YWHAZ: variants seen among roughly 807,000 people sequenced by gnomAD.
YWHAZ encodes the protein tyrosine 3-monooxygenase/tryptophan 5-monooxygenase activation protein zeta, also known as 14-3-3 protein zeta/delta.
For synonymous variants in YWHAZ, 87 were observed against 103.6 expected (o/e 0.84, Z 0.97); for missense variants, 79 against 284.8 (o/e 0.28, Z 5.20).
intron 2 of YWHAZ, among the ~76,000 whole-genome samples, chr8:100,943,426 C>T (rs1463812179): frequency 6.6e-6 from 1 of 152,178 alleles, no homozygotes; most frequent in Non-Finnish European, 1.5e-5. Context: ...CTCACACACA[C>T]ATTCAATATA....
chr8:100,944,063 G>C (rs946998079), intron 2 of YWHAZ, among the ~76,000 whole-genome samples: 8 of 151,762 alleles, frequency 5.3e-5, no homozygotes, highest in Non-Finnish European at 8.8e-5. Context: ...ACAGAACTGG[G>C]ATTATTTATA....
chr8:100,941,264 T>A (rs992618602), intron 2 of YWHAZ, among the ~76,000 whole-genome samples: 3 of 152,226 alleles, frequency 2.0e-5, no homozygotes, highest in Non-Finnish European at 4.4e-5. Context: ...TCCAAGTATG[T>A]CATTCTAAAC....
chr8:100,948,814 T>G lies in YWHAZ; in HGVS notation c.76A>C (p.Met26Leu). ...AERYDDMAACMKSVTEQGAEL... is the reference protein window; with the variant it reads ...AERYDDMAACLKSVTEQGAEL... ...GCTCCTTGCTCAGTTACAGACTTCA[T>G]GCAGGCTGCCATGTCATCATATCGC... Residue 26 changes from methionine to leucine, a missense_variant, in exon 2 of 6, where the codon ATG (methionine) becomes CTG (leucine). Coordinates refer to ENST00000395958, the MANE Select transcript of YWHAZ (RefSeq NM_145690.3). This position sits in a 1 kb window ranked among gnomAD's most constrained non-coding sequence, Gnocchi z 4.2. The G allele has an allele frequency of 6.3e-7, 1 of 1,599,428 alleles. No individual in the cohort carries two copies.
Position 100,924,992 on chromosome 8 carries a change from G to A in YWHAZ, c.342C>T (p.Ser114=), listed in dbSNP as rs142387931. The A allele has an allele frequency of 6.2e-7, 1 of 1,613,806 alleles. No individual in the cohort carries two copies. The highest frequency in any genetic ancestry group is 8.5e-7 in the Non-Finnish European group (1 of 1,179,952). ...CTTTCATTTTCAAATAGAAGACTTT[G>A]CTCTCTGCTTGTGAAGCATTGGGGA... ...FLIPNASQAE[S]KVFYLKMKGD... Residue 114 remains serine, a synonymous_variant, in exon 3 of 6, where the codon AGC becomes AGT. Coordinates refer to ENST00000395958, the MANE Select transcript of YWHAZ (RefSeq NM_145690.3). The surrounding 1 kb of genome is among the most constrained non-coding windows in gnomAD (Gnocchi z 5.7).
chr8:100,929,070 G>A (rs1376060519), intron 2 of YWHAZ, among the ~76,000 whole-genome samples: 1 of 152,134 alleles, frequency 6.6e-6, no homozygotes, highest in Non-Finnish European at 1.5e-5. Context: ...GATGTCATCT[G>A]TTTCTTTTAA....
intron 2 of YWHAZ, among the ~76,000 whole-genome samples, chr8:100,941,163 A>C (rs1362403890): frequency 1.3e-5 from 2 of 152,238 alleles, no homozygotes; most frequent in Non-Finnish European, 2.9e-5. Flanking sequence ...TGCCTATATA[A>C]TACTACCTTC....
chr8:100,922,384 CTTTTCTTTTTT>C lies in YWHAZ; in HGVS notation c.678+1560_678+1570del. On this transcript the variant is annotated intron_variant, in intron 5 of 5. Transcript: ENST00000395958. The surrounding 1 kb of genome is among the most constrained non-coding windows in gnomAD (Gnocchi z 4.1). ...ATTAGAATCAAAACCCTGGTTTTTT[CTTTTCTTTTTT>C]TTTTTTTTTGAGACAGAGTCTCGCT... 1 of 87,926 alleles carries C rather than the reference CTTTTCTTTTTT, an allele frequency of 1.1e-5. No homozygotes were observed. The highest frequency in any genetic ancestry group is 4.8e-5 in the African/African-American group (1 of 21,020). 5.4% of individuals were successfully genotyped at this position (87,926 alleles called of 1,614,324 possible).
In YWHAZ at chr8:100,929,825, A is replaced by C. The variant is rs978069676; in HGVS notation, c.295-4786T>G. On this transcript the variant is annotated intron_variant, in intron 2 of 5. Transcript: ENST00000395958. ...TAGGAAGAATAGAAAAAAATGAATAAAAGAACAAAAGAAAAAGGAAGCAGC... is the reference window on the plus strand; with the variant it reads ...TAGGAAGAATAGAAAAAAATGAATACAAGAACAAAAGAAAAAGGAAGCAGC... Among the ~76,000 whole-genome samples, 3 of 152,228 alleles carry C rather than the reference A, an allele frequency of 2.0e-5. No homozygotes were observed. In the South Asian group the frequency reaches 6.2e-4, roughly 31 times the overall value.
intron 2 of YWHAZ, among the ~76,000 whole-genome samples, chr8:100,933,636 A>G (rs189797072): frequency 2.2e-4 from 33 of 152,224 alleles, no homozygotes; most frequent in African/African-American, 7.0e-4. Context: ...CTTCATCTAC[A>G]TTGTCTGTAC....
intron 2 of YWHAZ, among the ~76,000 whole-genome samples, chr8:100,936,226 A>G (rs1007226693): frequency 1.3e-5 from 2 of 152,244 alleles, no homozygotes; most frequent in Non-Finnish European, 1.5e-5. Context: ...GAAGCAACCT[A>G]TTCAGTATAA....
In YWHAZ at chr8:100,948,063, T is replaced by C. The variant is rs1370084537; in HGVS notation, c.294+533A>G. On this transcript the variant is annotated intron_variant, in intron 2 of 5. Transcript: ENST00000395958. This position sits in a 1 kb window ranked among gnomAD's most constrained non-coding sequence, Gnocchi z 4.2. ...CATAACCTTTCATCATGGTTGTGAG[T>C]GTTCAAAATTTACCTTCAAGAATTC... is the stretch of plus-strand genomic sequence containing the variant. 2.8e-5 allele frequency: 42 copies of C among 1,524,860 alleles called. No individual in the cohort carries two copies. Among genetic ancestry groups the C allele is most frequent in the Non-Finnish European group, 3.3e-5 (38 of 1,139,612 alleles). The allele number at this position is 1,524,860 out of a possible 1,614,324, so 94.5% of individuals were successfully genotyped here. A position where few individuals can be genotyped will look rare whatever the true frequency, so the allele number is the denominator to read the frequency against.
rs958265812 is a variant in YWHAZ, at chr8:100,951,979, G to GGGCGGCGGC, written c.-71_-63dup. ...CGGACGGACGGGCTCAGCAGTCTCT[G>GGGCGGCGGC]GGCGGCGGCGGCGGCAGCAGCGGCG... On this transcript the variant is annotated 5_prime_UTR_variant, in exon 1 of 6. Coordinates refer to ENST00000395958, the MANE Select transcript of YWHAZ (RefSeq NM_145690.3). 4 of 1,004,154 alleles carry GGGCGGCGGC rather than the reference G, an allele frequency of 4.0e-6. No individual in the cohort carries two copies. Among genetic ancestry groups the GGGCGGCGGC allele is most frequent in the African/African-American group, 1.7e-5 (1 of 57,364 alleles). 62.2% of individuals were successfully genotyped at this position (1,004,154 alleles called of 1,614,324 possible). A position where few individuals can be genotyped will look rare whatever the true frequency, so the allele number is the denominator to read the frequency against.
chr8:100,931,913 CAAAGAACAAAAGAAA>C (rs759110072), intron 2 of YWHAZ: 14 of 151,864 alleles, frequency 9.2e-5, no homozygotes, highest in Non-Finnish European at 1.3e-4. Flanking sequence ...TAAGACATAT[CAAAGAACAAAAGAAA>C]AAAGAACAAA....
Position 100,948,203 on chromosome 8 carries a change from C to G in YWHAZ, c.294+393G>C, listed in dbSNP as rs1425284302. On this transcript the variant is annotated intron_variant, in intron 2 of 5. Coordinates refer to ENST00000395958, the MANE Select transcript of YWHAZ (RefSeq NM_145690.3). The surrounding 1 kb of genome is among the most constrained non-coding windows in gnomAD (Gnocchi z 4.2). ...GAGTACTATTTCTACAATGAGTATC[C>G]TATTACATCTCTCTTACCTAAAGTA... 1 of 1,392,782 alleles carries G rather than the reference C, an allele frequency of 7.2e-7. No individual in the cohort carries two copies. The highest frequency in any genetic ancestry group is 9.6e-7 in the Non-Finnish European group (1 of 1,036,970). 86.3% of individuals were successfully genotyped at this position (1,392,782 alleles called of 1,614,324 possible). A position where few individuals can be genotyped will look rare whatever the true frequency, so the allele number is the denominator to read the frequency against.
At chr8:100,945,191 G>C (rs977962036) in intron 2 of YWHAZ, among the ~76,000 whole-genome samples, 1 of 152,142 alleles carries the variant, frequency 6.6e-6, no homozygotes, top group African/African-American at 2.4e-5. Flanking sequence ...ATAATGCAAA[G>C]TCCACATTGT....
chr8:100,942,335 C>T (rs1157515670), intron 2 of YWHAZ, among the ~76,000 whole-genome samples: 3 of 152,174 alleles, frequency 2.0e-5, no homozygotes, highest in Non-Finnish European at 4.4e-5. Flanking sequence ...GAAAACAAAA[C>T]TAAATCAATG....
At chr8:100,928,547 C>T (rs10091218) in intron 2 of YWHAZ, among the ~76,000 whole-genome samples, 1 of 151,848 alleles carries the variant, frequency 6.6e-6, no homozygotes, top group Non-Finnish European at 1.5e-5. Context: ...GCCTGGCCAA[C>T]ACGGTAAAAC....
At chr8:100,947,983 A>T in intron 2 of YWHAZ, 1 of 857,260 alleles carries the variant, frequency 1.2e-6, no homozygotes, top group Non-Finnish European at 1.7e-6. Context: ...CAACACAGTA[A>T]GTACTGAATA....
At position 100,918,067 on chromosome 8, in the gene YWHAZ, G is replaced by C. The variant is rs1036832410; in HGVS notation, c.*2626C>G. ...TTGAATAATATCACATCTCTACTGG[G>C]CGCGGTGGCTTATGCCTGTAATCCC... On this transcript the variant is annotated 3_prime_UTR_variant, in exon 6 of 6. Coordinates refer to ENST00000395958, the MANE Select transcript of YWHAZ (RefSeq NM_145690.3). The C allele has an allele frequency of 6.6e-6, 1 of 152,028 alleles. No homozygotes were observed. Among genetic ancestry groups the C allele is most frequent in the Non-Finnish European group, 1.5e-5 (1 of 68,002 alleles). The allele number at this position is 152,028 out of a possible 1,614,324, so 9.4% of individuals were successfully genotyped here.
Sources: allele counts gnomAD v4.1 joint callset (sites outside exome capture counted in the v4.1 genomes callset), GRCh38; gene constraint gnomAD v4.1.1; non-coding constraint Gnocchi (gnomAD v3.1); transcripts MANE v1.5; gene names NCBI Gene and HGNC (gene_info 2026-07-23, HGNC 2026-07-21).